Variants in CCNJL observed in about 807,000 individuals in gnomAD.
CCNJL encodes cyclin J like.
A neutral mutation model predicts 33.4 loss-of-function variants in CCNJL; 33 were observed. That is an observed-to-expected ratio of 0.99 (90% CI 0.75 to 1.32). The LOEUF (loss-of-function observed/expected upper bound fraction) is 1.32. CCNJL is among the 40% of genes most tolerant of loss of function. The probability of loss-of-function intolerance (pLI) is 0.00; values close to 1 mark genes in which losing one functional copy is unlikely to be tolerated. For missense variants in CCNJL, 512 were observed against 499.7 expected (o/e 1.02, Z -0.23); for synonymous variants, 227 against 220.9 (o/e 1.03, Z -0.24).
At chr5:160,297,508 C>G (rs1217754009) in intron 2 of CCNJL, among the ~76,000 whole-genome samples, 1 of 151,986 alleles carries the variant, frequency 6.6e-6, no homozygotes, top group African/African-American at 2.4e-5. Flanking sequence ...GAAACCACTT[C>G]AGAGCCCGTC....
In CCNJL at chr5:160,292,196, C is replaced by A. The variant is rs17057605; in HGVS notation, c.67-11458G>T. ...GCCTTCTCTTTCCTCCGAAATTTAG[C>A]TCCTCCAGCTTCTCATACCTTCCCG... is the stretch of plus-strand genomic sequence containing the variant. On this transcript the variant is annotated intron_variant, in intron 2 of 5. Coordinates refer to ENST00000257536, the MANE Select transcript of CCNJL (RefSeq NM_001308173.3). 5.1e-3 allele frequency among the ~76,000 whole-genome samples: 777 copies of A among 152,348 alleles called. 9 individuals carry two copies. The highest frequency in any genetic ancestry group is 0.017 in the African/African-American group (721 of 41,568).
At chr5:160,316,284 A>G (rs1763379759), upstream of CCNJL, among the ~76,000 whole-genome samples, 1 of 152,196 alleles carries the variant, frequency 6.6e-6, no homozygotes, top group Non-Finnish European at 1.5e-5. Context: ...AAGCCATTCA[A>G]AAACTAAACT....
At chr5:160,292,385 A>AT (rs1426000482) in intron 2 of CCNJL, among the ~76,000 whole-genome samples, 10 of 151,954 alleles carry the variant, frequency 6.6e-5, no homozygotes, top group African/African-American at 2.4e-4. Flanking sequence ...ACTTTGGGAG[A>AT]TTGAGGTGGG....
intron 1 of CCNJL, among the ~76,000 whole-genome samples, chr5:160,320,032 G>T (rs574963216): frequency 3.3e-5 from 5 of 152,230 alleles, no homozygotes; most frequent in Non-Finnish European, 7.3e-5. Flanking sequence ...CTGGTCAGGA[G>T]TTACTGTCCT....
chr5:160,262,972 C>T (rs1761411001), intron 3 of CCNJL, among the ~76,000 whole-genome samples: 1 of 152,196 alleles, frequency 6.6e-6, no homozygotes, highest in Non-Finnish European at 1.5e-5. Flanking sequence ...CTGGGAGAGG[C>T]TGGGAACAGA....
At chr5:160,295,535 G>A (rs2113405227) in intron 2 of CCNJL, among the ~76,000 whole-genome samples, 1 of 152,200 alleles carries the variant, frequency 6.6e-6, no homozygotes. Context: ...ATGCAATCAA[G>A]TTAAAATGAG....
At chr5:160,263,212 G>GT (rs199586656) in intron 3 of CCNJL, among the ~76,000 whole-genome samples, 1,921 of 152,300 alleles carry the variant, frequency 0.013, 34 homozygotes, top group African/African-American at 0.044. Context: ...AGTTGCAGAC[G>GT]TGACATGCCA....
chr5:160,292,590 T>A (rs954427056), intron 2 of CCNJL, among the ~76,000 whole-genome samples: 1 of 152,094 alleles, frequency 6.6e-6, no homozygotes, highest in Non-Finnish European at 1.5e-5. Context: ...CACTGCACTC[T>A]AGCCTGGGTG....
intron 3 of CCNJL, among the ~76,000 whole-genome samples, chr5:160,280,072 A>C (rs1232952786): frequency 6.6e-6 from 1 of 152,184 alleles, no homozygotes; most frequent in Non-Finnish European, 1.5e-5. Context: ...ACATTTCAAA[A>C]CACCTTATGA....
At chr5:160,290,459 G>T (rs1052480446) in intron 2 of CCNJL, among the ~76,000 whole-genome samples, 5 of 151,888 alleles carry the variant, frequency 3.3e-5, no homozygotes, top group African/African-American at 4.8e-5. Context: ...TAGAGACGGG[G>T]TTTTCACCAT....
intron 1 of CCNJL, chr5:160,339,428 C>A: frequency 2.3e-6 from 1 of 435,382 alleles, no homozygotes; most frequent in Non-Finnish European, 4.6e-6. Flanking sequence ...AATTTAAATA[C>A]ATTAAGATTT....
At chr5:160,297,803 A>C (rs1304421582) in intron 2 of CCNJL, among the ~76,000 whole-genome samples, 1 of 152,224 alleles carries the variant, frequency 6.6e-6, no homozygotes, top group African/African-American at 2.4e-5. Context: ...TGTTCACAAA[A>C]TTGCATATTA....
intron 2 of CCNJL, among the ~76,000 whole-genome samples, chr5:160,309,187 T>A (rs146128715): frequency 6.6e-6 from 1 of 152,178 alleles, no homozygotes; most frequent in Non-Finnish European, 1.5e-5. Context: ...CTGGGAAGAA[T>A]GGATGATAGG....
At chr5:160,333,447 C>G (rs1763635837) in intron 1 of CCNJL, among the ~76,000 whole-genome samples, 1 of 151,872 alleles carries the variant, frequency 6.6e-6, no homozygotes, top group Non-Finnish European at 1.5e-5. Flanking sequence ...AAAAAGTAGC[C>G]AGGCATGGCA....
At position 160,255,607 on chromosome 5, in the gene CCNJL, GCAGGTCTCTGGTC is replaced by G; in HGVS notation, c.672_684del (p.Trp224CysfsTer21). On this transcript the variant is annotated frameshift_variant, in exon 5 of 6. Coordinates refer to ENST00000257536, the MANE Select transcript of CCNJL (RefSeq NM_001308173.3). LOFTEE classifies it high-confidence loss of function. ...TCCAGGGAATAGCTTGAGATCCTCT[GCAGGTCTCTGGTC>G]CAGTAGGGAGAAAGCTGCAGGCAAA... 6.2e-7 allele frequency: 1 copy of G among 1,614,108 alleles called. No individual in the cohort carries two copies.
chr5:160,317,862 C>CT (rs1478972400), upstream of CCNJL, among the ~76,000 whole-genome samples: 1 of 152,086 alleles, frequency 6.6e-6, no homozygotes, highest in Non-Finnish European at 1.5e-5. Context: ...AGGAAAAATT[C>CT]TTTTTTCCTC....
chr5:160,269,174 C>T (rs150053296), intron 3 of CCNJL, among the ~76,000 whole-genome samples: 76 of 152,332 alleles, frequency 5.0e-4, no homozygotes, highest in African/African-American at 1.7e-3. Context: ...TCCCTTCTTG[C>T]TGGGAGGACT....
At chr5:160,254,322 A>G (rs1312132685) in intron 5 of CCNJL, 1 of 670,820 alleles carries the variant, frequency 1.5e-6, no homozygotes, top group African/African-American at 1.8e-5. Context: ...AGGATTTTTC[A>G]TCTGAAAAGG....
chr5:160,281,212 C>G (rs927336763), intron 2 of CCNJL, among the ~76,000 whole-genome samples: 11 of 152,116 alleles, frequency 7.2e-5, no homozygotes, highest in African/African-American at 2.4e-4. Context: ...ATGCAAAATG[C>G]CTAGCACACC....
Sources: gnomAD v4.1 joint callset for allele counts (sites outside exome capture counted in the v4.1 genomes callset) on GRCh38, gnomAD v4.1.1 for gene constraint, MANE v1.5 for transcripts, NCBI Gene and HGNC (gene_info 2026-07-23, HGNC 2026-07-21) for gene names.